ZMAT5: variants seen among roughly 807,000 people sequenced by gnomAD.
ZMAT5 encodes zinc finger matrin-type protein 5.
A neutral mutation model predicts 28.0 loss-of-function variants in ZMAT5; 23 were observed. That is an observed-to-expected ratio of 0.82 (90% confidence interval 0.59 to 1.16). The LOEUF (loss-of-function observed/expected upper bound fraction) is 1.16. Among genes scored for constraint, ZMAT5 ranks in the 50% most tolerant of loss-of-function variants. ZMAT5 has a pLI of 0.00. For missense variants in ZMAT5, 173 were observed against 212.7 expected, an observed-to-expected ratio of 0.81 and a Z score of 1.16; for synonymous variants, 76 against 84.1, an observed-to-expected ratio of 0.90 and a Z score of 0.52.
chr22:29,760,109 G>A (rs900268522), intron 1 of ZMAT5, among the ~76,000 whole-genome samples: 3 of 152,042 alleles, frequency 2.0e-5, no homozygotes, highest in African/African-American at 7.2e-5. Flanking sequence ...GCTGAGGCAG[G>A]AGAATTTCTT....
At chr22:29,737,035 A>AGAAAGAAAG in intron 5 of ZMAT5, among the ~76,000 whole-genome samples, 1 of 150,890 alleles carries the variant, frequency 6.6e-6, no homozygotes. Context: ...CAAAAAAAAA[A>AGAAAGAAAG]AAAAAAGCCG....
At chr22:29,736,324 T>TC (rs2067903500) in intron 5 of ZMAT5, among the ~76,000 whole-genome samples, 1 of 152,200 alleles carries the variant, frequency 6.6e-6, no homozygotes, top group South Asian at 2.1e-4. Flanking sequence ...AATGTCACAC[T>TC]CCAACGTTTG....
chr22:29,760,930 A>G (rs1449497265), intron 1 of ZMAT5, among the ~76,000 whole-genome samples: 1 of 152,202 alleles, frequency 6.6e-6, no homozygotes, highest in Non-Finnish European at 1.5e-5. Flanking sequence ...AATTCACTGT[A>G]TTAATGTTCC....
At position 29,738,377 on chromosome 22, in the gene ZMAT5, G is replaced by T; in HGVS notation, c.336C>A (p.Asp112Glu). ...APELPEGHLE[D>E]WLEKRAKRLS... ...GCCGCTTGGCTCTCTTCTCCAGCCA[G>T]TCCTCCAGATGGCCCTCGGGGAGCT... is the stretch of plus-strand genomic sequence containing the variant. Residue 112 changes from aspartate (D) to glutamate (E), a missense_variant, in exon 5 of 6, where the codon GAC (aspartate) becomes GAA (glutamate). Physicochemically the swap from Asp to Glu is conservative, Grantham distance 45. Coordinates refer to ENST00000344318, the MANE Select transcript of ZMAT5 (RefSeq NM_001003692.2). 6.2e-7 allele frequency: 1 copy of T among 1,610,652 alleles called. No individual in the cohort carries two copies.
At chr22:29,742,535 C>A in intron 2 of ZMAT5, 55 bp from the exon 3 acceptor site, 1 of 1,579,236 alleles carries the variant, frequency 6.3e-7, no homozygotes, top group South Asian at 1.1e-5. Context: ...CCAAAGGAGG[C>A]AGGAAGTGGA....
intron 1 of ZMAT5, among the ~76,000 whole-genome samples, chr22:29,756,938 C>T (rs1292873145): frequency 6.6e-6 from 1 of 152,074 alleles, no homozygotes; most frequent in Admixed American, 6.6e-5. Flanking sequence ...AGTCGGGAGG[C>T]TGAGGCAGGA....
rs151181268 is a variant in ZMAT5, at chr22:29,731,647, A to T, written c.384-293T>A. On this transcript the variant is annotated intron_variant, in intron 5 of 5. Transcript: ENST00000344318. The stretch of plus-strand genomic sequence containing the variant: ...TGATTCAATACATATGCACGTCCAC[A>T]GCAGAGAATGCCATGCGGCCTGTGT... The T allele has an allele frequency of 1.3e-3, 466 of 364,132 alleles. 3 individuals carry two copies. Among genetic ancestry groups the T allele is most frequent in the African/African-American group, 9.6e-3 (444 of 46,052 alleles). 22.6% of individuals were successfully genotyped at this position (364,132 alleles called of 1,614,324 possible).
At chr22:29,733,676 C>T (rs2067875672) in intron 5 of ZMAT5, among the ~76,000 whole-genome samples, 1 of 152,186 alleles carries the variant, frequency 6.6e-6, no homozygotes, top group African/African-American at 2.4e-5. Flanking sequence ...CCTGCAGGGC[C>T]ACAGGGACAG....
chr22:29,732,856 A>G (rs1021388448), intron 5 of ZMAT5, among the ~76,000 whole-genome samples: 2 of 151,830 alleles, frequency 1.3e-5, no homozygotes, highest in Non-Finnish European at 2.9e-5. Context: ...TTAGGACTGG[A>G]GTCCCCAGAG....
chr22:29,747,171 AGTTGAGAATCACTGCCCTAGAGAGTT>A (rs1879681056), intron 2 of ZMAT5: 1 of 152,150 alleles, frequency 6.6e-6, no homozygotes, highest in South Asian at 2.1e-4. Context: ...CTGCAGCCGG[AGTTGAGAATCACTGCCCTAGAGAGTT>A]GTCGAGAAAA....
intron 1 of ZMAT5, among the ~76,000 whole-genome samples, chr22:29,761,752 CA>C (rs566837857): frequency 6.6e-6 from 1 of 151,810 alleles, no homozygotes; most frequent in Non-Finnish European, 1.5e-5. Flanking sequence ...ATTTAAAATA[CA>C]AAAGTTAAAA....
chr22:29,765,600 T>C (rs554040239), intron 1 of ZMAT5, among the ~76,000 whole-genome samples: 1 of 152,082 alleles, frequency 6.6e-6, no homozygotes, highest in Non-Finnish European at 1.5e-5. Context: ...CCGGGCATGG[T>C]GGCTCACGCC....
At chr22:29,743,575 C>T (rs573115757) in intron 2 of ZMAT5, among the ~76,000 whole-genome samples, 8 of 152,188 alleles carry the variant, frequency 5.3e-5, no homozygotes, top group Admixed American at 3.9e-4. Flanking sequence ...GGACTACAGG[C>T]GTCCGCCACC....
At chr22:29,737,263 G>C (rs775716458) in intron 5 of ZMAT5, among the ~76,000 whole-genome samples, 53 of 152,060 alleles carry the variant, frequency 3.5e-4, no homozygotes, top group Non-Finnish European at 6.6e-4. Context: ...CAGAGGCAGA[G>C]GTTGCAGTGA....
chr22:29,740,959 C>G (rs373882552), intron 3 of ZMAT5, among the ~76,000 whole-genome samples: 1 of 152,242 alleles, frequency 6.6e-6, no homozygotes, highest in Non-Finnish European at 1.5e-5. Flanking sequence ...CCAGCTGCCC[C>G]CCATGCTGGG....
At chr22:29,758,811 A>G (rs1361212402) in intron 1 of ZMAT5, 2 of 152,478 alleles carry the variant, frequency 1.3e-5, no homozygotes, top group Non-Finnish European at 2.9e-5. Context: ...CCAGATACAG[A>G]TTTCTTTGTT....
chr22:29,763,799 G>A (rs1025383891), intron 1 of ZMAT5, among the ~76,000 whole-genome samples: 2 of 151,820 alleles, frequency 1.3e-5, no homozygotes, highest in Admixed American at 6.6e-5. Flanking sequence ...ACCAGAAAAC[G>A]AAATTAGTGG....
intron 5 of ZMAT5, among the ~76,000 whole-genome samples, chr22:29,732,739 C>CAAA (rs131258): frequency 2.8e-5 from 2 of 70,302 alleles, no homozygotes; most frequent in Non-Finnish European, 5.3e-5. Flanking sequence ...GACTCCTTCT[C>CAAA]AAAAAAAAAA....
chr22:29,763,520 T>C (rs1447807539), intron 1 of ZMAT5, among the ~76,000 whole-genome samples: 1 of 151,624 alleles, frequency 6.6e-6, no homozygotes, highest in Non-Finnish European at 1.5e-5. Context: ...GAGAATTACT[T>C]GAACCCAGGA....
Sources: gnomAD v4.1 joint callset for allele counts (sites outside exome capture counted in the v4.1 genomes callset) on GRCh38, gnomAD v4.1.1 for gene constraint, MANE v1.5 for transcripts, NCBI Gene and HGNC (gene_info 2026-07-23, HGNC 2026-07-21) for gene names.